Variants in MYO6 observed in about 807,000 individuals in gnomAD.
MYO6 encodes the protein myosin VI.
A neutral mutation model predicts 178.7 loss-of-function variants in MYO6; 74 were observed. The ratio of observed to expected loss-of-function variants is 0.41; its 90% CI spans 0.34 to 0.50. The LOEUF is 0.50. Ranked by LOEUF, MYO6 falls within the 20% of genes least tolerant of loss-of-function variation. MYO6 has a pLI of 0.09. For missense variants in MYO6, 1,330 were observed against 1,547.4 expected, an observed-to-expected ratio of 0.86 and a Z score of 2.36; for synonymous variants, 477 against 504.6, an observed-to-expected ratio of 0.95 and a Z score of 0.73.
chr6:75,856,972 T>G, intron 12 of MYO6, 125 bp from the exon 13 acceptor site: 1 of 844,872 alleles, frequency 1.2e-6, no homozygotes, highest in Non-Finnish European at 1.9e-6. Flanking sequence ...TCTGTGCCTA[T>G]TCTCACATGA....
intron 30 of MYO6, among the ~76,000 whole-genome samples, chr6:75,902,457 A>G (rs1462357286): frequency 6.6e-6 from 1 of 151,896 alleles, no homozygotes; most frequent in Admixed American, 6.6e-5. Context: ...GTGTTGGGAG[A>G]GTGTATGTGT....
At position 75,919,325 on chromosome 6, in the gene MYO6, T is replaced by G. The variant is rs1007559313; in HGVS notation, c.*4313T>G. The stretch of plus-strand genomic sequence containing the variant: ...GGTTATTCCACTCTTTATGTCCATA[T>G]CTACACATTCAATCCTAATTTGTAC... On this transcript the variant is annotated 3_prime_UTR_variant, in exon 35 of 35. Transcript: ENST00000369977. The G allele has an allele frequency of 6.6e-6, 1 of 152,372 alleles. No individual in the cohort carries two copies. Among genetic ancestry groups the G allele is most frequent in the Non-Finnish European group, 1.5e-5 (1 of 68,046 alleles). The allele number at this position is 152,372 out of a possible 1,614,324, so 9.4% of individuals were successfully genotyped here. A position where few individuals can be genotyped will look rare whatever the true frequency, so the allele number is the denominator to read the frequency against.
At position 75,867,013 on chromosome 6, in the gene MYO6, C is replaced by G; in HGVS notation, c.1852C>G (p.Arg618Gly). Residue 618 changes from arginine (R) to glycine (G), a missense_variant, in exon 18 of 35, where the codon CGG (arginine) becomes GGG (glycine). Transcript: ENST00000369977. Reference protein sequence around the residue: ...LICESRDKFIRELFESSTNNN... With the variant: ...LICESRDKFIGELFESSTNNN... ...ATGTGAATCCAGAGATAAGTTTATACGGGAATTATTTGAATCATCCACAAA... is the reference window on the plus strand; with the variant it reads ...ATGTGAATCCAGAGATAAGTTTATAGGGGAATTATTTGAATCATCCACAAA... 6.2e-7 allele frequency: 1 copy of G among 1,613,176 alleles called. No individual in the cohort carries two copies. The highest frequency in any genetic ancestry group is 8.5e-7 in the Non-Finnish European group (1 of 1,179,362).
chr6:75,758,415 GTTAAATT>G (rs1777654437), intron 1 of MYO6, among the ~76,000 whole-genome samples: 1 of 152,020 alleles, frequency 6.6e-6, no homozygotes, highest in Non-Finnish European at 1.5e-5. Context: ...ACAATGCAGT[GTTAAATT>G]TCGCACCTAA....
At chr6:75,766,430 A>G (rs1778426604) in intron 1 of MYO6, among the ~76,000 whole-genome samples, 2 of 152,106 alleles carry the variant, frequency 1.3e-5, no homozygotes, top group Admixed American at 1.3e-4. Flanking sequence ...CTTAAAAATT[A>G]ATACAGTATT....
At chr6:75,870,514 G>A (rs937968325) in intron 18 of MYO6, 133 bp from the exon 19 acceptor site, 7 of 731,318 alleles carry the variant, frequency 9.6e-6, no homozygotes, top group Non-Finnish European at 1.7e-5. Flanking sequence ...CCAGGAGGTT[G>A]TTAAACTGGA....
intron 9 of MYO6, among the ~76,000 whole-genome samples, chr6:75,844,494 AT>A (rs552035970): frequency 9.9e-4 from 150 of 152,254 alleles, no homozygotes; most frequent in African/African-American, 3.4e-3. Context: ...AATTTAAAAT[AT>A]TACTTGAAAA....
intron 11 of MYO6, among the ~76,000 whole-genome samples, 173 bp from the exon 12 acceptor site, chr6:75,854,962 CTTAG>C (rs1775611185): frequency 2.0e-5 from 3 of 152,104 alleles, no homozygotes; most frequent in Non-Finnish European, 4.4e-5. Context: ...TTCTGTTGAT[CTTAG>C]CAGTACGGGT....
At chr6:75,753,019 C>T (rs752357227) in intron 1 of MYO6, among the ~76,000 whole-genome samples, 1 of 152,096 alleles carries the variant, frequency 6.6e-6, no homozygotes, top group Non-Finnish European at 1.5e-5. Context: ...ATTAAATTGT[C>T]ACTTAGAAAC....
At chr6:75,837,379 T>C (rs981747806) in intron 7 of MYO6, among the ~76,000 whole-genome samples, 2 of 152,176 alleles carry the variant, frequency 1.3e-5, no homozygotes, top group African/African-American at 4.8e-5. Flanking sequence ...AAATGCATAT[T>C]TTAACACTCT....
At chr6:75,838,851 G>A (rs1014439987) in intron 7 of MYO6, among the ~76,000 whole-genome samples, 1 of 151,558 alleles carries the variant, frequency 6.6e-6, no homozygotes, top group African/African-American at 2.4e-5. Flanking sequence ...TAGTAGAGAC[G>A]GGGTTTCACC....
chr6:75,863,840 G>C (rs1206063981), intron 16 of MYO6, among the ~76,000 whole-genome samples: 1 of 152,114 alleles, frequency 6.6e-6, no homozygotes, highest in Non-Finnish European at 1.5e-5. Flanking sequence ...TGAGTCTTTA[G>C]AGCCATTTTC....
rs193276871 is a variant in MYO6 at position 75,797,159 on chromosome 6, G to A, written c.-47-20342G>A. 3.4e-4 allele frequency among the ~76,000 whole-genome samples: 51 copies of A among 152,100 alleles called. 1 individual carries two copies. The highest frequency in any genetic ancestry group is 1.6e-3 in the Admixed American group (25 of 15,264). On this transcript the variant is annotated intron_variant, in intron 1 of 34. Coordinates refer to ENST00000369977, the MANE Select transcript of MYO6 (RefSeq NM_004999.4). ...GGCTGGAGAGCGGTGGCACAATGTC[G>A]GCTCACTTCAACCTCCACTTCCTGG...
chr6:75,821,762 A>G (rs995320007), intron 2 of MYO6, among the ~76,000 whole-genome samples: 2 of 152,224 alleles, frequency 1.3e-5, no homozygotes, highest in Non-Finnish European at 2.9e-5. Flanking sequence ...TTTGAGAAGT[A>G]CTGTATCAGC....
chr6:75,819,916 G>A lies in MYO6; in HGVS notation c.117+2252G>A, dbSNP rs569381713. Among the ~76,000 whole-genome samples the A allele has an allele frequency of 2.6e-5, 4 of 152,216 alleles. No homozygotes were observed. In the South Asian group the frequency reaches 6.2e-4, roughly 24 times the overall value. ...AAAAAATTTAAAAAATTAGCTGGGT[G>A]TGGTGGTACATGCCTGTTTTAGCTA... On this transcript the variant is annotated intron_variant, in intron 2 of 34. Transcript: ENST00000369977.
At chr6:75,840,075 A>G (rs1490487958) in intron 7 of MYO6, among the ~76,000 whole-genome samples, 4 of 151,758 alleles carry the variant, frequency 2.6e-5, no homozygotes, top group Non-Finnish European at 4.4e-5. Flanking sequence ...TTCCTATCTC[A>G]TGGACTTGAA....
At chr6:75,909,282 A>ATTTGTACTTTATCTGTTTTATTTGT (rs1204719906) in intron 32 of MYO6, among the ~76,000 whole-genome samples, 3 of 152,206 alleles carry the variant, frequency 2.0e-5, no homozygotes, top group Non-Finnish European at 4.4e-5. Context: ...TTGTAGGTAT[A>ATTTGTACTTTATCTGTTTTATTTGT]AGTACTTTTC....
chr6:75,897,505 T>G (rs1170554350), intron 29 of MYO6, among the ~76,000 whole-genome samples: 1 of 152,158 alleles, frequency 6.6e-6, no homozygotes, highest in Non-Finnish European at 1.5e-5. Flanking sequence ...AGTGTTCTAC[T>G]CCTTTAGTCA....
chr6:75,791,208 A>C (rs1349281866), intron 1 of MYO6, among the ~76,000 whole-genome samples: 2 of 152,112 alleles, frequency 1.3e-5, no homozygotes, highest in East Asian at 1.9e-4. Flanking sequence ...GCTGGGATTA[A>C]AGGTGTGAGC....
Sources: allele counts gnomAD v4.1 joint callset (sites outside exome capture counted in the v4.1 genomes callset), GRCh38; gene constraint gnomAD v4.1.1; transcripts MANE v1.5; gene names NCBI Gene and HGNC (gene_info 2026-07-23, HGNC 2026-07-21).